The following MAMLD1 variants were observed in gnomAD, a reference collection of about 807,000 sequenced individuals.
MAMLD1 encodes the protein mastermind like domain containing 1.
MAMLD1 carries 14 observed loss-of-function variants against 45.0 expected under a neutral mutation model. The observed-to-expected ratio is 0.31, with a 90% CI of 0.21 to 0.49. The LOEUF (loss-of-function observed/expected upper bound fraction) is 0.49, where lower values mean the gene tolerates loss of function less well. MAMLD1 is among the 20% of genes least tolerant of loss of function. The pLI is 0.99. For missense variants in MAMLD1, 543 were observed against 603.6 expected (o/e 0.90, Z 1.05); for synonymous variants, 254 against 247.8 (o/e 1.02, Z -0.24).
Position 150,512,645 on chromosome X carries a change from G to A in MAMLD1, c.*686G>A, listed in dbSNP as rs782531813. 1.5e-5 allele frequency: 17 copies of A among 1,148,840 alleles called. No individual in the cohort carries two copies. The highest frequency in any genetic ancestry group is 2.0e-5 in the Non-Finnish European group (17 of 868,646). The allele number at this position is 1,148,840 out of a possible 1,213,427, so 94.7% of individuals were successfully genotyped here. A position where few individuals can be genotyped will look rare whatever the true frequency, so the allele number is the denominator to read the frequency against. ...GAGCCTCAGGCAGAGCCCGGTACAG[G>A]GCCCGGTGCCTGTAGCAAACACCAC... is the stretch of plus-strand genomic sequence containing the variant. On this transcript the variant is annotated 3_prime_UTR_variant, in exon 8 of 8. Transcript: ENST00000370401.
intron 5 of MAMLD1, among the ~76,000 whole-genome samples, chrX:150,481,973 A>AAAGAAAGAAAG (rs2036802784): frequency 1.6e-5 from 1 of 60,712 alleles, no homozygotes; most frequent in East Asian, 4.8e-4. Context: ...AAAAAGAAAG[A>AAAGAAAGAAAG]AAGAAAGAAA....
chrX:150,468,594 A>G (rs1602922962), intron 3 of MAMLD1, among the ~76,000 whole-genome samples: 1 of 111,173 alleles, frequency 9.0e-6, no homozygotes, highest in African/African-American at 3.3e-5. Flanking sequence ...GGTCATGGTC[A>G]TTAACACAAC....
chrX:150,412,292 G>A (rs914470022), intron 1 of MAMLD1, among the ~76,000 whole-genome samples: 4 of 110,973 alleles, frequency 3.6e-5, no homozygotes, highest in African/African-American at 1.3e-4. Flanking sequence ...AACATGTGAA[G>A]CTCTCCCCAG....
intron 1 of MAMLD1, among the ~76,000 whole-genome samples, chrX:150,432,316 G>T (rs1275572395): frequency 8.9e-6 from 1 of 111,745 alleles, no homozygotes; most frequent in African/African-American, 3.3e-5. Flanking sequence ...CTAGATATTA[G>T]ACCTTTGTTG....
At chrX:150,422,642 C>T (rs1374906571) in intron 1 of MAMLD1, among the ~76,000 whole-genome samples, 1 of 111,592 alleles carries the variant, frequency 9.0e-6, no homozygotes, top group Non-Finnish European at 1.9e-5. Context: ...GTCTCGAACT[C>T]CTGACCTCAA....
rs190376158 is a variant in MAMLD1 at position 150,481,153 on chromosome X, G to A, written c.2040+7351G>A. Among the ~76,000 whole-genome samples the A allele has an allele frequency of 2.1e-3, 233 of 113,070 alleles. 2 individuals carry two copies. The highest frequency in any genetic ancestry group is 7.2e-3 in the African/African-American group (223 of 31,165). On this transcript the variant is annotated intron_variant, in intron 5 of 7. Coordinates refer to ENST00000370401, the MANE Select transcript of MAMLD1 (RefSeq NM_005491.5). ...ATTTCCATGTGACAAAGCTTTGAACGATGTGGGAGGCCCTCACCCATCCCT... is the reference window on the plus strand; with the variant it reads ...ATTTCCATGTGACAAAGCTTTGAACAATGTGGGAGGCCCTCACCCATCCCT...
At chrX:150,457,366 A>C (rs2035900531) in intron 2 of MAMLD1, among the ~76,000 whole-genome samples, 1 of 112,108 alleles carries the variant, frequency 8.9e-6, no homozygotes, top group Admixed American at 9.4e-5. Context: ...TATACCTCCA[A>C]TGATGCAAGT....
rs1557402616 is a variant in MAMLD1, at chrX:150,404,564, C to T, written c.-63-40890C>T. On this transcript the variant is annotated intron_variant, in intron 1 of 7. Coordinates refer to ENST00000370401, the MANE Select transcript of MAMLD1 (RefSeq NM_005491.5). ...TGAGGTGTAATTGATGTACAGTAAACTGAAAATATCTAAAGTACAATTTGA... is the reference window on the plus strand; with the variant it reads ...TGAGGTGTAATTGATGTACAGTAAATTGAAAATATCTAAAGTACAATTTGA... Among the ~76,000 whole-genome samples, 4 of 111,713 alleles carry T rather than the reference C, an allele frequency of 3.6e-5. No individual in the cohort carries two copies. In the Admixed American group the frequency reaches 3.8e-4, roughly 11 times the overall value.
rs1557409162 is a variant in MAMLD1 at position 150,512,245 on chromosome X, C to G, written c.*286C>G. 9.0e-7 allele frequency: 1 copy of G among 1,116,817 alleles called. No individual in the cohort carries two copies. Among genetic ancestry groups the G allele is most frequent in the Admixed American group, 2.8e-5 (1 of 35,517 alleles). The allele number at this position is 1,116,817 out of a possible 1,213,427, so 92.0% of individuals were successfully genotyped here. A position where few individuals can be genotyped will look rare whatever the true frequency, so the allele number is the denominator to read the frequency against. ...TCCTCTCACACTCAGGCCAGACTCC[C>G]CTGGGCAGACTTGACTCTGTCTGCC... is the stretch of plus-strand genomic sequence containing the variant. On this transcript the variant is annotated 3_prime_UTR_variant, in exon 8 of 8. Coordinates refer to ENST00000370401, the MANE Select transcript of MAMLD1 (RefSeq NM_005491.5).
chrX:150,426,505 C>T (rs2034707955), intron 1 of MAMLD1, among the ~76,000 whole-genome samples: 1 of 112,398 alleles, frequency 8.9e-6, no homozygotes. Flanking sequence ...TCCCATATGG[C>T]CCCTGTACCA....
chrX:150,436,926 G>A (rs1472865582), intron 1 of MAMLD1, among the ~76,000 whole-genome samples: 1 of 109,987 alleles, frequency 9.1e-6, no homozygotes, highest in East Asian at 2.8e-4. Flanking sequence ...ATGTCCTTGG[G>A]GGTTTGATTG....
intron 1 of MAMLD1, among the ~76,000 whole-genome samples, chrX:150,392,790 T>A (rs1194752890): frequency 1.9e-5 from 2 of 107,409 alleles, no homozygotes; most frequent in Middle Eastern, 4.7e-3. Flanking sequence ...AAAAAAAAAA[T>A]ACTTTTTTTA....
chrX:150,397,426 T>C (rs2033462383), intron 1 of MAMLD1, among the ~76,000 whole-genome samples: 1 of 112,119 alleles, frequency 8.9e-6, no homozygotes, highest in African/African-American at 3.2e-5. Flanking sequence ...ATGTCCTTTG[T>C]AGAGGTTTTG....
At chrX:150,464,342 G>A (rs1339128040) in intron 3 of MAMLD1, among the ~76,000 whole-genome samples, 1 of 111,713 alleles carries the variant, frequency 9.0e-6, no homozygotes, top group Non-Finnish European at 1.9e-5. Flanking sequence ...AGACATAACT[G>A]ACTCCTCTTG....
intron 2 of MAMLD1, among the ~76,000 whole-genome samples, chrX:150,446,187 G>A (rs782718837): frequency 3.6e-5 from 4 of 111,966 alleles, no homozygotes; most frequent in African/African-American, 6.5e-5. Flanking sequence ...GGGACTATGA[G>A]AGCCATTGAC....
chrX:150,483,776 T>C (rs1557407456), intron 5 of MAMLD1, among the ~76,000 whole-genome samples: 1 of 112,814 alleles, frequency 8.9e-6, no homozygotes, highest in African/African-American at 3.2e-5. Context: ...GCTGTTGTTG[T>C]TGTTGTCGTC....
chrX:150,423,978 A>C (rs1418608714), intron 1 of MAMLD1, among the ~76,000 whole-genome samples: 1 of 112,521 alleles, frequency 8.9e-6, no homozygotes, highest in East Asian at 2.8e-4. Context: ...ATTACTTTGA[A>C]GGCTAGTTCT....
intron 1 of MAMLD1, among the ~76,000 whole-genome samples, chrX:150,387,203 A>G (rs782345044): frequency 3.9e-4 from 44 of 111,435 alleles, no homozygotes; most frequent in Admixed American, 6.7e-4. Flanking sequence ...AATATATATC[A>G]CATATTTTGG....
intron 1 of MAMLD1, among the ~76,000 whole-genome samples, chrX:150,383,086 A>G (rs1392511601): frequency 6.8e-5 from 4 of 58,624 alleles, no homozygotes; most frequent in African/African-American, 2.4e-4. Flanking sequence ...TTGTATTTTT[A>G]GTAGAGACGG....
Sources: gnomAD v4.1 joint callset for allele counts (sites outside exome capture counted in the v4.1 genomes callset) on GRCh38, gnomAD v4.1.1 for gene constraint, MANE v1.5 for transcripts, NCBI Gene and HGNC (gene_info 2026-07-23, HGNC 2026-07-21) for gene names.